Variants in ZBTB47 observed in about 807,000 individuals in gnomAD.
ZBTB47 encodes the protein zinc finger and BTB domain containing 47.
A neutral mutation model predicts 56.6 loss-of-function variants in ZBTB47; 24 were observed. The observed-to-expected ratio is 0.42, with a 90% confidence interval of 0.31 to 0.60. The LOEUF (loss-of-function observed/expected upper bound fraction) is 0.60. Ranked by LOEUF, ZBTB47 falls within the 20% of genes least tolerant of loss-of-function variation. ZBTB47 has a pLI of 0.14. For missense variants in ZBTB47, 829 were observed against 1,032.6 expected (o/e 0.80, Z 2.70); for synonymous variants, 414 against 418.9 (o/e 0.99, Z 0.14).
At position 42,659,783 on chromosome 3, in the gene ZBTB47, C is replaced by G. The variant is rs376871596; in HGVS notation, c.1428C>G (p.Ser476Arg). 1.2e-6 allele frequency: 2 copies of G among 1,612,998 alleles called. No individual in the cohort carries two copies. The highest frequency in any genetic ancestry group is 1.7e-6 in the Non-Finnish European group (2 of 1,179,432). Residue 476 changes from serine (S) to arginine (R), a missense_variant, in exon 2 of 6, where the codon AGC (serine) becomes AGG (arginine). Transcript: ENST00000232974. ...DQCGKRFLLE[S>R]ELLLHRQTDC... is the part of the protein sequence containing the mutation. ...GCGGCAAGCGCTTCCTGCTGGAGAG[C>G]GAGCTGCTGCTGCACAGGCAGACAG...
At chr3:42,660,667 T>G (rs1710702178) in intron 2 of ZBTB47, among the ~76,000 whole-genome samples, 1 of 152,194 alleles carries the variant, frequency 6.6e-6, no homozygotes, top group Admixed American at 6.5e-5. Context: ...CTAATTGCAG[T>G]GCCCTGTGGA....
intron 5 of ZBTB47, 70 bp from the exon 6 acceptor site, chr3:42,664,167 C>T: frequency 1.3e-6 from 2 of 1,578,808 alleles, no homozygotes; most frequent in Non-Finnish European, 1.7e-6. Context: ...CCATGGGAGA[C>T]GGAGGCTGGC....
At chr3:42,664,162 G>T (rs1353845583) in intron 5 of ZBTB47, 75 bp from the exon 6 acceptor site, 6 of 1,574,518 alleles carry the variant, frequency 3.8e-6, no homozygotes, top group Non-Finnish European at 4.3e-6. Flanking sequence ...TGGCTCCATG[G>T]GAGACGGAGG....
At chr3:42,657,832 C>T (rs947936431) in intron 1 of ZBTB47, among the ~76,000 whole-genome samples, 1 of 152,044 alleles carries the variant, frequency 6.6e-6, no homozygotes, top group African/African-American at 2.4e-5. Context: ...GAAGGAATGC[C>T]TGTGGCCCTC....
At position 42,659,612 on chromosome 3, in the gene ZBTB47, A is replaced by C; in HGVS notation, c.1257A>C (p.Pro419=). The C allele has an allele frequency of 1.2e-6, 2 of 1,609,152 alleles. No homozygotes were observed. Among genetic ancestry groups the C allele is most frequent in the Non-Finnish European group, 1.7e-6 (2 of 1,178,034 alleles). ...GVASASARGP[P]ATDGLGAKVK... is the part of the protein sequence containing the mutation. The stretch of plus-strand genomic sequence containing the variant: ...CCTCTGCATCGGCCCGAGGGCCGCC[A>C]GCCACTGATGGGCTGGGGGCCAAGG... Residue 419 remains proline (P), a synonymous_variant, in exon 2 of 6, where the codon CCA becomes CCC. Coordinates refer to ENST00000232974, the MANE Select transcript of ZBTB47 (RefSeq NM_145166.4).
intron 1 of ZBTB47, among the ~76,000 whole-genome samples, chr3:42,657,878 G>A (rs1464384687): frequency 6.6e-6 from 1 of 152,200 alleles, no homozygotes; most frequent in Non-Finnish European, 1.5e-5. Context: ...TGCCTGCGAT[G>A]GTCCTGGTTC....
rs1360270040 is a variant in ZBTB47 at position 42,656,637 on chromosome 3, A to T, written c.-81-1638A>T. 6.6e-6 allele frequency among the ~76,000 whole-genome samples: 1 copy of T among 152,056 alleles called. No individual in the cohort carries two copies. Among genetic ancestry groups the T allele is most frequent in the South Asian group, 2.1e-4 (1 of 4,824 alleles). Reference sequence around the variant, plus strand: ...AGACTGGGATGTGAGGGAACACAGGATGGCTGCTGCCCTGGCTGCTGGGTG... The same window carrying T: ...AGACTGGGATGTGAGGGAACACAGGTTGGCTGCTGCCCTGGCTGCTGGGTG... On this transcript the variant is annotated intron_variant, in intron 1 of 5. Transcript: ENST00000232974. The surrounding 1 kb of genome is among the most constrained non-coding windows in gnomAD (Gnocchi z 5.8).
In ZBTB47 at chr3:42,663,265, T is replaced by C; in HGVS notation, c.1737+138T>C. The C allele has an allele frequency of 1.5e-6, 1 of 651,886 alleles. No individual in the cohort carries two copies. Among genetic ancestry groups the C allele is most frequent in the Non-Finnish European group, 2.7e-6 (1 of 371,910 alleles). 40.4% of individuals were successfully genotyped at this position (651,886 alleles called of 1,614,324 possible). Reference sequence around the variant, plus strand: ...AAAGAGAGAGCCCTGCCCTCTGAGGTCTGCAGCCCCTGCCTCCCACTCCCA... The same window carrying C: ...AAAGAGAGAGCCCTGCCCTCTGAGGCCTGCAGCCCCTGCCTCCCACTCCCA... On this transcript the variant is annotated intron_variant, in intron 4 of 5. Coordinates refer to ENST00000232974, the MANE Select transcript of ZBTB47 (RefSeq NM_145166.4). This position sits in a 1 kb window ranked among gnomAD's most constrained non-coding sequence, Gnocchi z 5.1.
rs1400872140 is a variant in ZBTB47, at chr3:42,664,785, G to A, written c.*187G>A. The A allele has an allele frequency of 3.6e-6, 2 of 555,708 alleles. No homozygotes were observed. The highest frequency in any genetic ancestry group is 2.0e-5 in the African/African-American group (1 of 50,744). 34.4% of individuals were successfully genotyped at this position (555,708 alleles called of 1,614,324 possible). A position where few individuals can be genotyped will look rare whatever the true frequency, so the allele number is the denominator to read the frequency against. On this transcript the variant is annotated 3_prime_UTR_variant, in exon 6 of 6. Coordinates refer to ENST00000232974, the MANE Select transcript of ZBTB47 (RefSeq NM_145166.4). ...ATGCAGGCTGGCAGGCCCCAGAGCT[G>A]GTGGAGGGCATCTCACTCCCAAGTG...
rs1187364289 is a variant in ZBTB47, at chr3:42,658,827, G to C, written c.472G>C (p.Glu158Gln). 1.3e-6 allele frequency: 2 copies of C among 1,533,764 alleles called. No homozygotes were observed. Among genetic ancestry groups the C allele is most frequent in the African/African-American group, 1.4e-5 (1 of 73,040 alleles). The part of the protein sequence containing the change: ...TPGLPKIYAR[E>Q]GPDPYSVRVE... ...AGGCCTGCCCAAGATCTATGCCCGC[G>C]AGGGCCCTGACCCTTACTCGGTGCG... is the stretch of plus-strand genomic sequence containing the variant. Residue 158 changes from glutamate to glutamine, a missense_variant, in exon 2 of 6, where the codon GAG (glutamate) becomes CAG (glutamine). Glu to Gln is a conservative substitution (Grantham distance 29). This residue lies in a region of ZBTB47 where 359 missense variants were observed against 359.8 expected (regional missense o/e 1.00). Transcript: ENST00000232974.
chr3:42,664,247 G>A lies in ZBTB47; in HGVS notation c.1893G>A (p.Pro631=), dbSNP rs777816087. 1.3e-5 allele frequency: 21 copies of A among 1,613,594 alleles called. No homozygotes were observed. The highest frequency in any genetic ancestry group is 8.0e-5 in the African/African-American group (6 of 75,008). ...EHMKTHTGEK[P]YICEICGKSF... is the part of the protein sequence containing the mutation. The stretch of plus-strand genomic sequence containing the variant: ...ACCCCCAACCCCCAGGAGAGAAGCC[G>A]TACATCTGCGAGATCTGTGGCAAGA... Residue 631 remains proline (P), a synonymous_variant, in exon 6 of 6, where the codon CCG becomes CCA. Transcript: ENST00000232974.
chr3:42,658,274 G>A lies in ZBTB47; in HGVS notation c.-81-1G>A. ...CACTCCTGTGCCCTCTGTCCCCGCA[G>A]TTGCTGGTTGAGAAGACAACTGACT... On this transcript the variant is annotated splice_acceptor_variant, in intron 1 of 5. Coordinates refer to ENST00000232974, the MANE Select transcript of ZBTB47 (RefSeq NM_145166.4). LOFTEE classifies it low-confidence loss of function (5UTR_SPLICE). The A allele has an allele frequency of 6.8e-7, 1 of 1,470,938 alleles. No homozygotes were observed. Among genetic ancestry groups the A allele is most frequent in the Non-Finnish European group, 9.0e-7 (1 of 1,114,196 alleles). 91.1% of individuals were successfully genotyped at this position (1,470,938 alleles called of 1,614,324 possible).
rs927308124 is a variant in ZBTB47 at position 42,664,714 on chromosome 3, A to G, written c.*116A>G. The G allele has an allele frequency of 4.8e-6, 6 of 1,238,052 alleles. No homozygotes were observed. In the East Asian group the frequency reaches 1.6e-4, roughly 33 times the overall value. 76.7% of individuals were successfully genotyped at this position (1,238,052 alleles called of 1,614,324 possible). ...CGGGCCTGGGCCCTGCTCCACCTCCAGAAGTGGCTGGATGTACCCTGCCTG... is the reference window on the plus strand; with the variant it reads ...CGGGCCTGGGCCCTGCTCCACCTCCGGAAGTGGCTGGATGTACCCTGCCTG... On this transcript the variant is annotated 3_prime_UTR_variant, in exon 6 of 6. Transcript: ENST00000232974.
In ZBTB47 at chr3:42,659,767, G is replaced by C; in HGVS notation, c.1412G>C (p.Arg471Pro). Residue 471 changes from arginine (R) to proline (P), a missense_variant, in exon 2 of 6, where the codon CGC becomes CCC. Arg to Pro is a moderately radical substitution (Grantham distance 103). Transcript: ENST00000232974. ...CAGATCTGCGACCAGTGCGGCAAGC[G>C]CTTCCTGCTGGAGAGCGAGCTGCTG... ...RMQICDQCGK[R>P]FLLESELLLH... is the part of the protein sequence containing the mutation. 6.2e-7 allele frequency: 1 copy of C among 1,613,744 alleles called. No individual in the cohort carries two copies. Among genetic ancestry groups the C allele is most frequent in the Admixed American group, 1.7e-5 (1 of 60,012 alleles).
At chr3:42,661,423 T>A in intron 2 of ZBTB47, 62 bp from the exon 3 acceptor site, 1 of 1,565,870 alleles carries the variant, frequency 6.4e-7, no homozygotes, top group Non-Finnish European at 8.7e-7. Context: ...GGGCAGTAGC[T>A]TGCCCAAGTC....
At position 42,664,222 on chromosome 3, in the gene ZBTB47, A is replaced by AC. The variant is rs772591012; in HGVS notation, c.1883-10dup. The stretch of plus-strand genomic sequence containing the variant: ...ACCCCTCACTGACGCCCTGCTGCCC[A>AC]CCCCCAACCCCCAGGAGAGAAGCCG... On this transcript the variant is annotated splice_polypyrimidine_tract_variant and intron_variant, in intron 5 of 5. Transcript: ENST00000232974. 1.2e-6 allele frequency: 2 copies of AC among 1,611,198 alleles called. No individual in the cohort carries two copies. Among genetic ancestry groups the AC allele is most frequent in the African/African-American group, 2.7e-5 (2 of 74,616 alleles).
At chr3:42,658,196 ATGCTGGGAGTGG>A in intron 1 of ZBTB47, 67 bp from the exon 2 acceptor site, 6 of 1,396,852 alleles carry the variant, frequency 4.3e-6, no homozygotes, top group Non-Finnish European at 5.6e-6. Context: ...ATGGCTGGCA[ATGCTGGGAGTGG>A]TGCTGGGGGA....
chr3:42,653,023 T>C (rs1710584748), upstream of ZBTB47, among the ~76,000 whole-genome samples: 1 of 152,178 alleles, frequency 6.6e-6, no homozygotes, highest in African/African-American at 2.4e-5. Flanking sequence ...GGGCCAGCTG[T>C]CTGTGCACCC....
rs1710691886 is a variant in ZBTB47 at position 42,659,820 on chromosome 3, A to G, written c.1465A>G (p.Asn489Asp). 1.2e-6 allele frequency: 2 copies of G among 1,604,414 alleles called. No homozygotes were observed. The highest frequency in any genetic ancestry group is 2.2e-5 in the South Asian group (2 of 89,874). Reference sequence around the variant, plus strand: ...GCACAGGCAGACAGACTGCGAGCGCAACATCCAGGTGGGCCTCACGTGGCT... The same window carrying G: ...GCACAGGCAGACAGACTGCGAGCGCGACATCCAGGTGGGCCTCACGTGGCT... ...LLHRQTDCERNIQCVTCGKAF... is the reference protein window; with the variant it reads ...LLHRQTDCERDIQCVTCGKAF... The change falls in exon 2 of 6, where the codon AAC becomes GAC. Residue 489 changes from asparagine to aspartate, a missense_variant. Asn to Asp is a conservative substitution (Grantham distance 23). This residue lies in a region of ZBTB47 where 187 missense variants were observed against 253.1 expected (regional missense o/e 0.74). Coordinates refer to ENST00000232974, the MANE Select transcript of ZBTB47 (RefSeq NM_145166.4).
Sources: allele counts gnomAD v4.1 joint callset (sites outside exome capture counted in the v4.1 genomes callset), GRCh38; gene constraint gnomAD v4.1.1; regional missense constraint gnomAD v4.1.1; non-coding constraint Gnocchi (gnomAD v3.1); transcripts MANE v1.5; gene names NCBI Gene and HGNC (gene_info 2026-07-23, HGNC 2026-07-21).